ACYP2: variants seen among roughly 807,000 people sequenced by gnomAD.
ACYP2 encodes the protein acylphosphatase-2.
In ACYP2, 12 loss-of-function variants were observed where a neutral mutation model predicts 11.2. The ratio of observed to expected loss-of-function variants is 1.08; its 90% CI spans 0.69 to 1.74. ACYP2 has a LOEUF of 1.74. ACYP2 is among the 40% of genes most tolerant of loss of function. The pLI is 0.00. For synonymous variants in ACYP2, 43 were observed against 32.2 expected (o/e 1.33, Z -1.13); for missense variants, 134 against 101.9 (o/e 1.31, Z -1.35).
Position 54,148,478 on chromosome 2 carries a change from A to T in ACYP2, c.404+9730A>T, listed in dbSNP as rs531668860. Among the ~76,000 whole-genome samples, 193 of 152,260 alleles carry T rather than the reference A, an allele frequency of 1.3e-3. 1 individual carries two copies. Among genetic ancestry groups the T allele is most frequent in the African/African-American group, 4.3e-3 (177 of 41,548 alleles). ...TGGCATGTAGTAATAATCAATAAATATTTGCTACTATGTTATGACCCATAT... is the reference window on the plus strand; with the variant it reads ...TGGCATGTAGTAATAATCAATAAATTTTTGCTACTATGTTATGACCCATAT... On this transcript the variant is annotated intron_variant, in intron 6 of 6. Transcript: ENST00000607452.
At chr2:54,147,735 T>G (rs192137178) in intron 6 of ACYP2, among the ~76,000 whole-genome samples, 122 of 152,172 alleles carry the variant, frequency 8.0e-4, no homozygotes, top group African/African-American at 2.7e-3. Flanking sequence ...ATGTTGTCTA[T>G]GCTGGTCTTC....
chr2:54,158,247 G>A (rs535705563), intron 6 of ACYP2, among the ~76,000 whole-genome samples: 3 of 138,816 alleles, frequency 2.2e-5, no homozygotes, highest in Non-Finnish European at 4.7e-5. Context: ...TCACCACATT[G>A]GCCAGCCTGG....
At chr2:54,239,535 C>T (rs1423230514) in intron 6 of ACYP2, among the ~76,000 whole-genome samples, 1 of 152,194 alleles carries the variant, frequency 6.6e-6, no homozygotes, top group African/African-American at 2.4e-5. Flanking sequence ...CCCACTTCTC[C>T]TCCCATTTCC....
chr2:54,121,311 T>G (rs1323234941), intron 4 of ACYP2, among the ~76,000 whole-genome samples: 2 of 152,048 alleles, frequency 1.3e-5, no homozygotes, highest in African/African-American at 4.8e-5. Context: ...AATTGTTCCA[T>G]GGGTGGGCCT....
In ACYP2 at chr2:54,081,447, A is replaced by C. The variant is rs151331323; in HGVS notation, c.277+24087A>C. Among the ~76,000 whole-genome samples the C allele has an allele frequency of 1.2e-3, 176 of 152,334 alleles. 1 individual carries two copies. The highest frequency in any genetic ancestry group is 4.1e-3 in the African/African-American group (169 of 41,574). On this transcript the variant is annotated intron_variant, in intron 4 of 6. Coordinates refer to ENST00000607452, the MANE Select transcript of ACYP2 (RefSeq NM_001320586.2). ...ACCTTCTCTATGTTTAGATATATTTAGATACAGAAATACTACTGGGTTGCA... is the reference window on the plus strand; with the variant it reads ...ACCTTCTCTATGTTTAGATATATTTCGATACAGAAATACTACTGGGTTGCA...
At chr2:53,984,272 A>T (rs1218589925) in intron 2 of ACYP2, among the ~76,000 whole-genome samples, 1 of 152,182 alleles carries the variant, frequency 6.6e-6, no homozygotes, top group Non-Finnish European at 1.5e-5. Flanking sequence ...CTGAACATAG[A>T]TGGAGAAACT....
intron 2 of ACYP2, among the ~76,000 whole-genome samples, chr2:54,033,249 G>A (rs1031740564): frequency 6.6e-6 from 1 of 151,006 alleles, no homozygotes; most frequent in Non-Finnish European, 1.5e-5. Flanking sequence ...CCAGGCTGGA[G>A]CACAGTGGTC....
intron 6 of ACYP2, among the ~76,000 whole-genome samples, chr2:54,244,332 G>T (rs1325692501): frequency 6.6e-6 from 1 of 152,126 alleles, no homozygotes; most frequent in Non-Finnish European, 1.5e-5. Context: ...CTCCCCAGTA[G>T]CTGGGCTTAC....
At chr2:54,133,250 C>G (rs533219352) in intron 4 of ACYP2, among the ~76,000 whole-genome samples, 11 of 152,204 alleles carry the variant, frequency 7.2e-5, no homozygotes, top group Non-Finnish European at 1.5e-4. Context: ...AGTCTGGCCT[C>G]TCTTACTTAG....
intron 6 of ACYP2, among the ~76,000 whole-genome samples, chr2:54,282,446 T>A (rs1486758423): frequency 6.6e-6 from 1 of 152,200 alleles, no homozygotes; most frequent in African/African-American, 2.4e-5. Flanking sequence ...GCCCTTGTGG[T>A]CATATGTCAA....
At chr2:54,151,880 A>G (rs925927765) in intron 6 of ACYP2, among the ~76,000 whole-genome samples, 2 of 152,190 alleles carry the variant, frequency 1.3e-5, no homozygotes, top group African/African-American at 4.8e-5. Context: ...TCAGGTAGCA[A>G]CTAATTACTT....
chr2:54,271,752 G>A (rs985376680), intron 6 of ACYP2, among the ~76,000 whole-genome samples: 3 of 152,002 alleles, frequency 2.0e-5, no homozygotes. Context: ...TTGTGGCTAT[G>A]TTAAATGGGA....
At chr2:54,096,847 GGGGAGA>G (rs1460920273) in intron 4 of ACYP2, among the ~76,000 whole-genome samples, 2 of 152,062 alleles carry the variant, frequency 1.3e-5, no homozygotes, top group Admixed American at 6.6e-5. Context: ...GGGAGACCGT[GGGGAGA>G]GGGAGAGGGG....
At chr2:54,048,740 G>T (rs1220515893) in intron 2 of ACYP2, among the ~76,000 whole-genome samples, 1 of 152,222 alleles carries the variant, frequency 6.6e-6, no homozygotes, top group Admixed American at 6.5e-5. Flanking sequence ...TATCTTCAGT[G>T]CCTAAATGTG....
intron 4 of ACYP2, among the ~76,000 whole-genome samples, chr2:54,132,155 C>T (rs957566314): frequency 1.0e-4 from 15 of 146,974 alleles, no homozygotes; most frequent in African/African-American, 3.9e-4. Context: ...TCTGGGATCC[C>T]CTTACCCTTA....
At chr2:54,230,420 G>A (rs959006195) in intron 6 of ACYP2, among the ~76,000 whole-genome samples, 1 of 152,088 alleles carries the variant, frequency 6.6e-6, no homozygotes, top group African/African-American at 2.4e-5. Context: ...CCAATGGCGT[G>A]ATCTCGACTC....
At position 54,056,859 on chromosome 2, in the gene ACYP2, A is replaced by G. The variant is rs192555265; in HGVS notation, c.156-380A>G. Among the ~76,000 whole-genome samples, 18 of 152,340 alleles carry G rather than the reference A, an allele frequency of 1.2e-4. 1 individual carries two copies. Among genetic ancestry groups the G allele is most frequent in the Admixed American group, 8.5e-4 (13 of 15,304 alleles). ...TGTAAATCTAAAATCAGAAAAAAATACTTTTAAAAAGAACTTAAAGGAACT... is the reference window on the plus strand; with the variant it reads ...TGTAAATCTAAAATCAGAAAAAAATGCTTTTAAAAAGAACTTAAAGGAACT... On this transcript the variant is annotated intron_variant, in intron 3 of 6. Transcript: ENST00000607452.
chr2:53,990,827 C>T (rs530960137), intron 2 of ACYP2, among the ~76,000 whole-genome samples: 97 of 151,588 alleles, frequency 6.4e-4, no homozygotes, highest in African/African-American at 1.4e-3. Flanking sequence ...GGCAGAGTCT[C>T]GCTCTGTCGC....
intron 4 of ACYP2, among the ~76,000 whole-genome samples, chr2:54,065,044 ACTGCACTC>A (rs145814432): frequency 0.046 from 7,057 of 152,006 alleles, 573 homozygotes; most frequent in African/African-American, 0.16. Context: ...AGATCATGCC[ACTGCACTC>A]CAGCCTGGGT....
Sources: gnomAD v4.1 joint callset for allele counts (sites outside exome capture counted in the v4.1 genomes callset) on GRCh38, gnomAD v4.1.1 for gene constraint, MANE v1.5 for transcripts, NCBI Gene and HGNC (gene_info 2026-07-23, HGNC 2026-07-21) for gene names.